The following SYT1 variants were observed in gnomAD, a reference collection of about 807,000 sequenced individuals.
The protein encoded by SYT1 is synaptotagmin 1.
In SYT1, 8 loss-of-function variants were observed where a neutral mutation model predicts 44.8. The ratio of observed to expected loss-of-function variants is 0.18; its 90% CI spans 0.10 to 0.32. The LOEUF (loss-of-function observed/expected upper bound fraction) is 0.32. Ranked by LOEUF, SYT1 falls within the 10% of genes least tolerant of loss-of-function variation. The probability of loss-of-function intolerance (pLI) is 1.00; values close to 1 mark genes in which losing one functional copy is unlikely to be tolerated. For missense variants in SYT1, 286 were observed against 509.3 expected (o/e 0.56, Z 4.22); for synonymous variants, 154 against 188.8 (o/e 0.82, Z 1.51).
At chr12:79,387,170 T>C (rs939198573) in intron 9 of SYT1, among the ~76,000 whole-genome samples, 5 of 152,194 alleles carry the variant, frequency 3.3e-5, no homozygotes, top group African/African-American at 1.2e-4. Context: ...CTTACCCACC[T>C]TGTAATCTTC....
At chr12:79,101,989 C>T (rs1174694220) in intron 3 of SYT1, among the ~76,000 whole-genome samples, 29 of 152,026 alleles carry the variant, frequency 1.9e-4, no homozygotes. Context: ...GCGTTCAAGA[C>T]AGATCACATT....
chr12:79,305,350 C>T (rs564741488), intron 8 of SYT1, among the ~76,000 whole-genome samples: 8 of 152,278 alleles, frequency 5.3e-5, no homozygotes, highest in Admixed American at 2.6e-4. Flanking sequence ...TTCTCCCTCA[C>T]GTTGTCATAC....
intron 9 of SYT1, among the ~76,000 whole-genome samples, chr12:79,410,472 A>G (rs556020819): frequency 6.8e-6 from 1 of 146,154 alleles, no homozygotes; most frequent in East Asian, 2.1e-4. Flanking sequence ...CTACAGATGC[A>G]GACTTAAAAC....
intron 9 of SYT1, among the ~76,000 whole-genome samples, chr12:79,372,859 G>A (rs1022811215): frequency 7.9e-5 from 11 of 139,684 alleles, no homozygotes; most frequent in African/African-American, 3.4e-4. Context: ...CACGCACTGT[G>A]CACCCCATCT....
At chr12:78,941,829 T>G (rs1878392929) in intron 1 of SYT1, among the ~76,000 whole-genome samples, 1 of 152,236 alleles carries the variant, frequency 6.6e-6, no homozygotes. Context: ...AGTGAGGCTA[T>G]TCATTTCATT....
chr12:79,172,038 T>G (rs1871559955), intron 3 of SYT1, among the ~76,000 whole-genome samples: 3 of 151,968 alleles, frequency 2.0e-5, no homozygotes, highest in African/African-American at 2.4e-5. Flanking sequence ...CTCTTTTAAT[T>G]ATTTATTTAA....
intron 3 of SYT1, among the ~76,000 whole-genome samples, chr12:79,207,754 G>A (rs1874212496): frequency 6.6e-6 from 1 of 152,182 alleles, no homozygotes; most frequent in South Asian, 2.1e-4. Context: ...ATTAGGATTA[G>A]ATGGGAAAAT....
intron 9 of SYT1, among the ~76,000 whole-genome samples, chr12:79,369,355 A>T (rs924644504): frequency 3.3e-5 from 5 of 152,208 alleles, no homozygotes; most frequent in African/African-American, 1.2e-4. Flanking sequence ...ATATGCCTGT[A>T]GTCCTAATTA....
intron 3 of SYT1, among the ~76,000 whole-genome samples, chr12:79,070,430 C>T (rs924258461): frequency 2.0e-5 from 3 of 151,874 alleles, no homozygotes; most frequent in Non-Finnish European, 4.4e-5. Flanking sequence ...TGATTATTAG[C>T]GTTGCATTAT....
chr12:79,389,194 A>AG (rs2136089089), intron 9 of SYT1, among the ~76,000 whole-genome samples: 1 of 152,350 alleles, frequency 6.6e-6, no homozygotes, highest in African/African-American at 2.4e-5. Context: ...ATCAAGGAAC[A>AG]TTTTTAATAA....
At chr12:78,943,921 T>C (rs1181459734) in intron 1 of SYT1, among the ~76,000 whole-genome samples, 1 of 152,232 alleles carries the variant, frequency 6.6e-6, no homozygotes, top group Non-Finnish European at 1.5e-5. Context: ...AACCTCATAC[T>C]AAGTCAGAAG....
At chr12:79,207,887 T>A (rs937227308) in intron 3 of SYT1, among the ~76,000 whole-genome samples, 1 of 152,000 alleles carries the variant, frequency 6.6e-6, no homozygotes. Flanking sequence ...GCAAACTACA[T>A]AAGAAAAAAC....
chr12:79,082,267 A>T (rs944893519), intron 3 of SYT1, among the ~76,000 whole-genome samples: 1 of 152,068 alleles, frequency 6.6e-6, no homozygotes, highest in African/African-American at 2.4e-5. Flanking sequence ...TCTTTTCTGT[A>T]TGTTTCCACA....
chr12:79,327,237 A>G (rs746902243), intron 8 of SYT1, among the ~76,000 whole-genome samples: 14 of 152,116 alleles, frequency 9.2e-5, no homozygotes, highest in Non-Finnish European at 1.8e-4. Context: ...AAATTTGTCT[A>G]TAGAAGTTTC....
intron 8 of SYT1, among the ~76,000 whole-genome samples, chr12:79,321,264 G>A (rs1425044849): frequency 1.3e-5 from 2 of 152,160 alleles, no homozygotes; most frequent in East Asian, 1.9e-4. Flanking sequence ...TTACTCCAAA[G>A]TGTGTGTTAA....
At chr12:79,351,063 A>C (rs1273940376) in intron 8 of SYT1, among the ~76,000 whole-genome samples, 1 of 152,260 alleles carries the variant, frequency 6.6e-6, no homozygotes, top group Non-Finnish European at 1.5e-5. Context: ...TCTTAAACTA[A>C]TGAAGCAAAT....
intron 9 of SYT1, among the ~76,000 whole-genome samples, chr12:79,391,920 C>T (rs1884671349): frequency 6.6e-6 from 1 of 151,668 alleles, no homozygotes; most frequent in Non-Finnish European, 1.5e-5. Context: ...GGTAATTTTG[C>T]AAGATGTGTG....
intron 4 of SYT1, among the ~76,000 whole-genome samples, chr12:79,281,316 TATAG>T (rs755953480): frequency 8.5e-5 from 13 of 152,048 alleles, no homozygotes; most frequent in Non-Finnish European, 1.6e-4. Context: ...TATAGATAGA[TATAG>T]ATAGATAGAT....
At chr12:79,150,296 G>A (rs1870190557) in intron 3 of SYT1, among the ~76,000 whole-genome samples, 1 of 152,144 alleles carries the variant, frequency 6.6e-6, no homozygotes, top group Admixed American at 6.5e-5. Context: ...TCTGTCATTT[G>A]CAACAACATG....
Sources: gnomAD v4.1 joint callset for allele counts (sites outside exome capture counted in the v4.1 genomes callset) on GRCh38, gnomAD v4.1.1 for gene constraint, MANE v1.5 for transcripts, NCBI Gene and HGNC (gene_info 2026-07-23, HGNC 2026-07-21) for gene names.